NCOA1: variants seen among roughly 807,000 people sequenced by gnomAD.
NCOA1 encodes nuclear receptor coactivator 1.
Under a neutral mutation model 150.9 loss-of-function variants are expected in NCOA1, and 35 were observed. The ratio of observed to expected loss-of-function variants is 0.23; its 90% CI spans 0.18 to 0.31. The LOEUF (loss-of-function observed/expected upper bound fraction) is 0.31. Among genes scored for constraint, NCOA1 ranks in the 10% least tolerant of loss-of-function variants. The pLI, the probability that NCOA1 is intolerant of heterozygous loss-of-function variation, is 1.00. For missense variants in NCOA1, 1,491 were observed against 1,749.3 expected (o/e 0.85, Z 2.63); for synonymous variants, 590 against 630.0 (o/e 0.94, Z 0.95).
At chr2:24,611,871 A>T (rs373729128) in intron 3 of NCOA1, among the ~76,000 whole-genome samples, 8 of 151,782 alleles carry the variant, frequency 5.3e-5, no homozygotes, top group African/African-American at 1.9e-4. Context: ...TTTTAATCCA[A>T]TTCATCTCTG....
intron 1 of NCOA1, among the ~76,000 whole-genome samples, chr2:24,544,766 A>T (rs775285854): frequency 1.3e-5 from 2 of 152,186 alleles, no homozygotes; most frequent in Non-Finnish European, 2.9e-5. Context: ...GATTCTGTTA[A>T]TAAGACTTTC....
At chr2:24,538,005 G>T (rs1665238358) in intron 1 of NCOA1, among the ~76,000 whole-genome samples, 2 of 152,086 alleles carry the variant, frequency 1.3e-5, no homozygotes, top group Admixed American at 6.5e-5. Flanking sequence ...CCACACTTAT[G>T]GAAGTTAAGA....
At chr2:24,556,820 C>T (rs914013533) in intron 1 of NCOA1, among the ~76,000 whole-genome samples, 3 of 152,082 alleles carry the variant, frequency 2.0e-5, no homozygotes, top group Admixed American at 6.6e-5. Context: ...GACAGTGTGG[C>T]GATTCCCCAA....
chr2:24,569,268 G>C (rs964036666), intron 2 of NCOA1, among the ~76,000 whole-genome samples: 3 of 152,168 alleles, frequency 2.0e-5, no homozygotes, highest in African/African-American at 7.2e-5. Context: ...TATGTTAGCT[G>C]TATAGGAGGA....
chr2:24,554,826 T>A (rs541231564), intron 1 of NCOA1, among the ~76,000 whole-genome samples: 8 of 152,288 alleles, frequency 5.3e-5, no homozygotes, highest in Admixed American at 1.3e-4. Flanking sequence ...TGTTACTGAT[T>A]TGATTTGGCT....
chr2:24,731,476 A>G (rs1663006873), intron 17 of NCOA1, among the ~76,000 whole-genome samples: 1 of 152,202 alleles, frequency 6.6e-6, no homozygotes, highest in Non-Finnish European at 1.5e-5. Context: ...CTATTACTAT[A>G]AAGTTGCATT....
intron 3 of NCOA1, among the ~76,000 whole-genome samples, chr2:24,630,039 G>A (rs1353671386): frequency 6.6e-6 from 1 of 151,688 alleles, no homozygotes; most frequent in Non-Finnish European, 1.5e-5. Context: ...TAGAAACGGG[G>A]TTTCACTGTG....
At chr2:24,532,464 C>T (rs1295764254) in intron 1 of NCOA1, among the ~76,000 whole-genome samples, 3 of 152,086 alleles carry the variant, frequency 2.0e-5, no homozygotes, top group Non-Finnish European at 2.9e-5. Context: ...TAATTAGATC[C>T]TGTTTGTCAA....
intron 3 of NCOA1, among the ~76,000 whole-genome samples, chr2:24,635,087 A>G (rs1669881816): frequency 6.6e-6 from 1 of 152,100 alleles, no homozygotes; most frequent in Non-Finnish European, 1.5e-5. Flanking sequence ...TGTAATAATT[A>G]CTAAATAATT....
intron 1 of NCOA1, chr2:24,555,964 C>T (rs1273927471): frequency 2.0e-5 from 3 of 152,108 alleles, no homozygotes; most frequent in Non-Finnish European, 4.4e-5. Context: ...TGCTAGTCTT[C>T]TGAATTTTGG....
chr2:24,496,129 A>G (rs1325647231), intron 1 of NCOA1, among the ~76,000 whole-genome samples: 1 of 152,152 alleles, frequency 6.6e-6, no homozygotes, highest in East Asian at 1.9e-4. Flanking sequence ...CTTGTTTTAA[A>G]ATTCTGTGAT....
intron 1 of NCOA1, among the ~76,000 whole-genome samples, chr2:24,519,295 A>G (rs1372585455): frequency 6.6e-6 from 1 of 152,200 alleles, no homozygotes; most frequent in Non-Finnish European, 1.5e-5. Flanking sequence ...CTAATTGAAA[A>G]AAGCCAGTCA....
At chr2:24,747,837 TG>T (rs1664014198) in intron 19 of NCOA1, among the ~76,000 whole-genome samples, 12 of 152,022 alleles carry the variant, frequency 7.9e-5, no homozygotes, top group Admixed American at 6.5e-4. Context: ...CTGGGCACAG[TG>T]GTTCATGCCT....
intron 1 of NCOA1, among the ~76,000 whole-genome samples, chr2:24,501,623 A>T (rs1051358216): frequency 1.3e-5 from 2 of 152,186 alleles, no homozygotes; most frequent in African/African-American, 4.8e-5. Flanking sequence ...TCCTATTCAT[A>T]AACTTTTAAA....
At chr2:24,573,630 G>T (rs767048908) in intron 2 of NCOA1, among the ~76,000 whole-genome samples, 2 of 152,018 alleles carry the variant, frequency 1.3e-5, no homozygotes, top group African/African-American at 2.4e-5. Context: ...CAGTTTTCCA[G>T]TCAATGCAAC....
At chr2:24,696,843 G>C (rs1406912341) in intron 10 of NCOA1, among the ~76,000 whole-genome samples, 1 of 151,626 alleles carries the variant, frequency 6.6e-6, no homozygotes, top group African/African-American at 2.4e-5. Flanking sequence ...TTGAGTGGTG[G>C]GTTGGCAGGT....
intron 3 of NCOA1, among the ~76,000 whole-genome samples, chr2:24,603,344 T>G (rs1558830327): frequency 6.6e-6 from 1 of 152,218 alleles, no homozygotes; most frequent in Non-Finnish European, 1.5e-5. Context: ...TTGGAATGCT[T>G]GTGGCAATTT....
chr2:24,713,209 C>T (rs763206900), intron 14 of NCOA1, among the ~76,000 whole-genome samples: 1 of 151,074 alleles, frequency 6.6e-6, no homozygotes, highest in African/African-American at 2.4e-5. Flanking sequence ...CCAGCCTGGG[C>T]GACAAGAGCA....
At chr2:24,527,953 T>G (rs1306561821) in intron 1 of NCOA1, among the ~76,000 whole-genome samples, 3 of 152,348 alleles carry the variant, frequency 2.0e-5, no homozygotes, top group African/African-American at 7.2e-5. Flanking sequence ...CTGTTGCCCA[T>G]TTTTATGTCG....
Sources: gnomAD v4.1 joint callset for allele counts (sites outside exome capture counted in the v4.1 genomes callset) on GRCh38, gnomAD v4.1.1 for gene constraint, MANE v1.5 for transcripts, NCBI Gene and HGNC (gene_info 2026-07-23, HGNC 2026-07-21) for gene names.